MAP6: variants seen among roughly 807,000 people sequenced by gnomAD.
MAP6 encodes microtubule associated protein 6.
A neutral mutation model predicts 42.4 loss-of-function variants in MAP6; 26 were observed. The observed-to-expected ratio is 0.61, with a 90% CI of 0.45 to 0.85. The LOEUF is 0.85. Ranked by LOEUF, MAP6 falls within the 40% of genes least tolerant of loss-of-function variation. The pLI is 0.00. For synonymous variants in MAP6, 418 were observed against 443.8 expected (o/e 0.94, Z 0.73); for missense variants, 966 against 1,099.0 (o/e 0.88, Z 1.71).
At position 75,587,117 on chromosome 11, in the gene MAP6, A is replaced by C. The variant is rs1162724576; in HGVS notation, c.2384T>G (p.Leu795Arg). Residue 795 changes from leucine to arginine, a missense_variant, in exon 4 of 4, where the codon CTA (leucine) becomes CGA (arginine). By Grantham distance (102) the Leu-to-Arg change is moderately radical (BLOSUM62 -2). Coordinates refer to ENST00000304771, the MANE Select transcript of MAP6 (RefSeq NM_033063.2). ...RDPQLPTVSP[L>R]PRVMIPTAPH... Reference sequence around the variant, plus strand: ...GGCAGTTGGGATCATGACTCGGGGTAGAGGTGAGACAGTAGGTAGCTGAGG... The same window carrying C: ...GGCAGTTGGGATCATGACTCGGGGTCGAGGTGAGACAGTAGGTAGCTGAGG... 1.2e-6 allele frequency: 2 copies of C among 1,612,558 alleles called. No homozygotes were observed. Among genetic ancestry groups the C allele is most frequent in the African/African-American group, 2.7e-5 (2 of 74,856 alleles).
Position 75,586,965 on chromosome 11 carries a change from A to G in MAP6, c.*94T>C, listed in dbSNP as rs777863704. ...TTAGATTCCAGCAAGACTACTGTAC[A>G]TGTTTCATGCAGATTAAATATGTGT... On this transcript the variant is annotated 3_prime_UTR_variant, in exon 4 of 4. Coordinates refer to ENST00000304771, the MANE Select transcript of MAP6 (RefSeq NM_033063.2). 194 of 1,302,988 alleles carry G rather than the reference A, an allele frequency of 1.5e-4. No homozygotes were observed. The Middle Eastern group carries it at 2.0e-3, about 14-fold the overall frequency. 80.7% of individuals were successfully genotyped at this position (1,302,988 alleles called of 1,614,324 possible).
chr11:75,603,962 C>T, intron 3 of MAP6: 1 of 985,758 alleles, frequency 1.0e-6, no homozygotes. Flanking sequence ...GATCATGTTG[C>T]TAGAGCTTTC....
chr11:75,624,482 T>C (rs528115335), intron 1 of MAP6, among the ~76,000 whole-genome samples: 24 of 152,118 alleles, frequency 1.6e-4, no homozygotes, highest in African/African-American at 5.3e-4. Flanking sequence ...AGGTTCAAGG[T>C]CTTCCCTGAA....
chr11:75,664,026 A>C (rs1324200307), intron 1 of MAP6, among the ~76,000 whole-genome samples: 1 of 152,224 alleles, frequency 6.6e-6, no homozygotes, highest in African/African-American at 2.4e-5. Flanking sequence ...TCTGATGGCC[A>C]GGGCAATGGG....
At position 75,623,817 on chromosome 11, in the gene MAP6, C is replaced by A. The variant is rs553660491; in HGVS notation, c.906-15495G>T. ...TTCTGCCTCCCGGGTTCAAGCAATT[C>A]ATCCATGATGAAAGTGGCATGAAAT... On this transcript the variant is annotated intron_variant, in intron 1 of 3. Transcript: ENST00000304771. Among the ~76,000 whole-genome samples, 5 of 152,316 alleles carry A rather than the reference C, an allele frequency of 3.3e-5. No individual in the cohort carries two copies. The South Asian group carries it at 1.0e-3, about 32-fold the overall frequency.
intron 1 of MAP6, among the ~76,000 whole-genome samples, chr11:75,631,085 G>A (rs1276730711): frequency 6.6e-6 from 1 of 152,160 alleles, no homozygotes; most frequent in African/African-American, 2.4e-5. Flanking sequence ...CACACCACTT[G>A]GCTCAAGGTG....
chr11:75,596,253 C>T (rs642002), intron 3 of MAP6: 114,365 of 152,248 alleles, frequency 0.75, 43,781 homozygotes, highest in African/African-American at 0.9. Context: ...CAAAGTCACA[C>T]AGTGAGTTCG....
chr11:75,587,919 C>T lies in MAP6; in HGVS notation c.1582G>A (p.Asp528Asn), dbSNP rs377675294. 28 of 1,613,960 alleles carry T rather than the reference C, an allele frequency of 1.7e-5. No homozygotes were observed. The African/African-American group carries it at 3.7e-4, about 22-fold the overall frequency. Reference protein sequence around the residue: ...ESPVISAPVKDQGPSVPVPPK... With the variant: ...ESPVISAPVKNQGPSVPVPPK... ...GGAACTGGGACCGAGGGACCTTGGT[C>T]CTTGACTGGTGCTGAGATAACAGGG... Residue 528 changes from aspartate to asparagine, a missense_variant, in exon 4 of 4, where the codon GAC (aspartate) becomes AAC (asparagine). By Grantham distance (23) the Asp-to-Asn change is conservative. Transcript: ENST00000304771.
intron 3 of MAP6, among the ~76,000 whole-genome samples, chr11:75,599,569 T>A (rs1301053109): frequency 6.6e-6 from 1 of 152,206 alleles, no homozygotes; most frequent in Non-Finnish European, 1.5e-5. Context: ...TGTATATAGA[T>A]CTGACCCCAT....
At chr11:75,656,454 T>C (rs781581046) in intron 1 of MAP6, among the ~76,000 whole-genome samples, 5 of 152,148 alleles carry the variant, frequency 3.3e-5, no homozygotes, top group Non-Finnish European at 1.5e-5. Flanking sequence ...ACAGCACGGG[T>C]AGTTCCTGTG....
intron 1 of MAP6, among the ~76,000 whole-genome samples, chr11:75,622,668 T>C (rs1021421264): frequency 1.1e-4 from 17 of 152,322 alleles, no homozygotes; most frequent in African/African-American, 3.8e-4. Context: ...AGATCTAGAA[T>C]TGCCAAAACA....
chr11:75,636,379 G>A (rs768344823), intron 1 of MAP6, among the ~76,000 whole-genome samples: 4 of 152,126 alleles, frequency 2.6e-5, no homozygotes, highest in Non-Finnish European at 4.4e-5. Flanking sequence ...ACCAAAGAGT[G>A]CTTCTCTTTT....
intron 1 of MAP6, among the ~76,000 whole-genome samples, chr11:75,629,911 G>A (rs992593195): frequency 6.6e-6 from 1 of 152,152 alleles, no homozygotes; most frequent in Non-Finnish European, 1.5e-5. Flanking sequence ...CTCGGTTCTT[G>A]TTCATCAGCT....
At chr11:75,606,986 C>A (rs1942789747) in intron 2 of MAP6, among the ~76,000 whole-genome samples, 1 of 152,210 alleles carries the variant, frequency 6.6e-6, no homozygotes, top group African/African-American at 2.4e-5. Flanking sequence ...CCAATGCTAA[C>A]CCCATGCCCC....
chr11:75,646,711 A>G (rs1943559817), intron 1 of MAP6, among the ~76,000 whole-genome samples: 2 of 151,922 alleles, frequency 1.3e-5, no homozygotes, highest in Admixed American at 1.3e-4. Context: ...GAGGCAGGAG[A>G]ATCACTTGAA....
chr11:75,597,047 A>C (rs1942590381), intron 3 of MAP6: 1 of 152,208 alleles, frequency 6.6e-6, no homozygotes, highest in Non-Finnish European at 1.5e-5. Context: ...TTTGTTCCTT[A>C]ATCACCGAGT....
At chr11:75,633,924 C>A (rs1195303545) in intron 1 of MAP6, among the ~76,000 whole-genome samples, 2 of 152,258 alleles carry the variant, frequency 1.3e-5, no homozygotes, top group African/African-American at 4.8e-5. Context: ...TTTGAGCAGA[C>A]CTGATGTAGC....
At chr11:75,627,972 C>G (rs61895126) in intron 1 of MAP6, among the ~76,000 whole-genome samples, 7,703 of 152,200 alleles carry the variant, frequency 0.051, 244 homozygotes, top group East Asian at 0.14. Context: ...GCTCTGTGTG[C>G]TGTGACGGGG....
chr11:75,610,400 C>G (rs1271626745), intron 1 of MAP6, among the ~76,000 whole-genome samples: 2 of 152,154 alleles, frequency 1.3e-5, no homozygotes, highest in Non-Finnish European at 2.9e-5. Context: ...GAAATATGTA[C>G]TGAGTGCTTA....
Sources: gnomAD v4.1 joint callset for allele counts (sites outside exome capture counted in the v4.1 genomes callset) on GRCh38, gnomAD v4.1.1 for gene constraint, MANE v1.5 for transcripts, NCBI Gene and HGNC (gene_info 2026-07-23, HGNC 2026-07-21) for gene names.